The following ADCY3 variants were observed in gnomAD, a reference collection of about 807,000 sequenced individuals.
The protein encoded by ADCY3 is adenylate cyclase type 3.
Under a neutral mutation model 119.4 loss-of-function variants are expected in ADCY3, and 70 were observed. That is an observed-to-expected ratio of 0.59 (90% CI 0.48 to 0.72). ADCY3 has a LOEUF of 0.72. Ranked by LOEUF, ADCY3 falls within the 30% of genes least tolerant of loss-of-function variation. The probability of loss-of-function intolerance (pLI) is 0.00; values close to 1 mark genes in which losing one functional copy is unlikely to be tolerated. For missense variants in ADCY3, 1,238 were observed against 1,541.6 expected (o/e 0.80, Z 3.30); for synonymous variants, 672 against 621.4 (o/e 1.08, Z -1.21).
Position 24,829,866 on chromosome 2 carries a change from A to G in ADCY3, c.2172+843T>C, listed in dbSNP as rs375960850. 1.3e-4 allele frequency among the ~76,000 whole-genome samples: 20 copies of G among 151,590 alleles called. 1 individual carries two copies. The highest frequency in any genetic ancestry group is 4.9e-4 in the African/African-American group (20 of 41,210). ...GACAGCTCCAGGCATGTAGTGCTCA[A>G]TACGTGCCCAGTGGTTCTAAACCAA... On this transcript the variant is annotated intron_variant, in intron 13 of 21. Transcript: ENST00000679454.
Position 24,914,210 on chromosome 2 carries a change from T to C in ADCY3, c.675+4103A>G, listed in dbSNP as rs544922071. Among the ~76,000 whole-genome samples, 9 of 152,350 alleles carry C rather than the reference T, an allele frequency of 5.9e-5. No homozygotes were observed. The South Asian group carries it at 1.9e-3, about 32-fold the overall frequency. On this transcript the variant is annotated intron_variant, in intron 2 of 21. Coordinates refer to ENST00000679454, the MANE Select transcript of ADCY3 (RefSeq NM_004036.5). ...CATCTGTCCTCCCTTCCGGCTGCTCTGGGCCTGTGTTGCCTCTTGGGATGG... is the reference window on the plus strand; with the variant it reads ...CATCTGTCCTCCCTTCCGGCTGCTCCGGGCCTGTGTTGCCTCTTGGGATGG...
At chr2:24,859,438 C>T (rs1381264597) in intron 3 of ADCY3, among the ~76,000 whole-genome samples, 1 of 152,146 alleles carries the variant, frequency 6.6e-6, no homozygotes, top group Non-Finnish European at 1.5e-5. Context: ...CAACCCCAGG[C>T]CAAGAGGCAA....
At chr2:24,867,506 T>C (rs56157935) in intron 3 of ADCY3, among the ~76,000 whole-genome samples, 10,265 of 152,348 alleles carry the variant, frequency 0.067, 418 homozygotes, top group East Asian at 0.094. Flanking sequence ...TGCCTTGATC[T>C]TGGACTTCCC....
In ADCY3 at chr2:24,918,859, C is replaced by G. The variant is rs748964127; in HGVS notation, c.129G>C (p.Ser43=). The change falls in exon 2 of 22, where the codon TCG becomes TCC. Residue 43 remains serine (S), a synonymous_variant. Transcript: ENST00000679454. This position sits in a 1 kb window ranked among gnomAD's most constrained non-coding sequence, Gnocchi z 5.4. ...AGCGAGGCAGGCACAGGCAGGAGCC[C>G]GAGTTCCGGACCGAGATTTCATGGG... ...GRTHEISVRN[S]GSCLCLPRFM... The G allele has an allele frequency of 3.1e-5, 50 of 1,613,118 alleles. 1 individual carries two copies. The African/African-American group carries it at 3.7e-4, about 12-fold the overall frequency.
chr2:24,870,184 G>C (rs1003631047), intron 3 of ADCY3, among the ~76,000 whole-genome samples: 2 of 151,630 alleles, frequency 1.3e-5, no homozygotes, highest in African/African-American at 4.8e-5. Context: ...AGCCAGGTGT[G>C]GTGGCAGGTG....
Position 24,857,098 on chromosome 2 carries a change from C to T in ADCY3, c.826-14714G>A, listed in dbSNP as rs561580264. On this transcript the variant is annotated intron_variant, in intron 3 of 21. Transcript: ENST00000679454. ...CCAGGCCATGTCATCTGGAACAGTGCGGAAATCACACAGACCCAGGGTCAG... is the reference window on the plus strand; with the variant it reads ...CCAGGCCATGTCATCTGGAACAGTGTGGAAATCACACAGACCCAGGGTCAG... 4.6e-5 allele frequency among the ~76,000 whole-genome samples: 7 copies of T among 152,282 alleles called. No homozygotes were observed. In the East Asian group the frequency reaches 9.6e-4, roughly 21 times the overall value.
intron 11 of ADCY3, among the ~76,000 whole-genome samples, chr2:24,833,345 C>T (rs1462873320): frequency 3.3e-5 from 5 of 152,192 alleles, no homozygotes; most frequent in Admixed American, 1.3e-4. Context: ...GGGGCCAGGC[C>T]ACTCCAGCCT....
intron 2 of ADCY3, among the ~76,000 whole-genome samples, chr2:24,887,978 G>A (rs550284699): frequency 6.6e-6 from 1 of 152,272 alleles, no homozygotes; most frequent in South Asian, 2.1e-4. Context: ...TTCTGAGTCT[G>A]CTTGAGTGAG....
rs560448517 is a variant in ADCY3 at position 24,836,977 on chromosome 2, G to A, written c.1602C>T (p.Pro534=). ...ACCCACTGCTGTGGGCACTCCCGTTGGGCTCCTTGGTCTCAATGAGGGCAG... is the reference window on the plus strand; with the variant it reads ...ACCCACTGCTGTGGGCACTCCCGTTAGGCTCCTTGGTCTCAATGAGGGCAG... ...SSPALIETKE[P]NGSAHSSGST... The change falls in exon 9 of 22, where the codon CCC becomes CCT. Residue 534 remains proline (P), a synonymous_variant. Coordinates refer to ENST00000679454, the MANE Select transcript of ADCY3 (RefSeq NM_004036.5). The A allele has an allele frequency of 1.6e-5, 26 of 1,614,040 alleles. 1 individual carries two copies. Among genetic ancestry groups the A allele is most frequent in the African/African-American group, 1.1e-4 (8 of 75,040 alleles).
chr2:24,881,639 T>C (rs1458837003), intron 2 of ADCY3, among the ~76,000 whole-genome samples: 1 of 152,230 alleles, frequency 6.6e-6, no homozygotes, highest in African/African-American at 2.4e-5. Context: ...GCACAGCTAT[T>C]GGAACATAGC....
chr2:24,912,910 T>A (rs995158054), intron 2 of ADCY3, among the ~76,000 whole-genome samples: 3 of 152,162 alleles, frequency 2.0e-5, no homozygotes, highest in Non-Finnish European at 2.9e-5. Context: ...AGGGGTTGAT[T>A]TTCTGCAAAG....
intron 3 of ADCY3, among the ~76,000 whole-genome samples, chr2:24,864,251 T>G (rs1241190891): frequency 1.3e-5 from 2 of 152,162 alleles, no homozygotes; most frequent in Non-Finnish European, 2.9e-5. Flanking sequence ...ATCGCACCAC[T>G]GCATTCCAAC....
chr2:24,822,350 C>G (rs1363875660), intron 19 of ADCY3, 161 bp downstream of exon 19: 2 of 1,060,914 alleles, frequency 1.9e-6, no homozygotes, highest in Admixed American at 2.3e-5. Context: ...GCCGAACTTT[C>G]TCAATAAACC....
chr2:24,864,209 G>A (rs1674019835), intron 3 of ADCY3, among the ~76,000 whole-genome samples: 1 of 152,154 alleles, frequency 6.6e-6, no homozygotes, highest in Admixed American at 6.6e-5. Context: ...AGAATAGCTT[G>A]AACCCGGAGG....
Position 24,898,595 on chromosome 2 carries a change from A to G in ADCY3, c.675+19718T>C, listed in dbSNP as rs927577629. Among the ~76,000 whole-genome samples, 4 of 152,214 alleles carry G rather than the reference A, an allele frequency of 2.6e-5. No individual in the cohort carries two copies. Among genetic ancestry groups the G allele is most frequent in the South Asian group, 2.1e-4 (1 of 4,824 alleles). The stretch of plus-strand genomic sequence containing the variant: ...TCTTCACTCTCAAATCAGCCTCTCA[A>G]TGGAGCCCTGCAGCACTGGAAAGGA... On this transcript the variant is annotated intron_variant, in intron 2 of 21. Transcript: ENST00000679454. This position sits in a 1 kb window ranked among gnomAD's most constrained non-coding sequence, Gnocchi z 4.3.
Position 24,830,075 on chromosome 2 carries a change from C to CTGTG in ADCY3, c.2172+633_2172+634insCACA, listed in dbSNP as rs1320928753. On this transcript the variant is annotated intron_variant, in intron 13 of 21. Coordinates refer to ENST00000679454, the MANE Select transcript of ADCY3 (RefSeq NM_004036.5). ...TTTTTTTTTTTGAGACGGAGTCTTG[C>CTGTG]TGTCGCCTAGGCTGGAGTGCAGCGG... Among the ~76,000 whole-genome samples, 11 of 19,588 alleles carry CTGTG rather than the reference C, an allele frequency of 5.6e-4. No homozygotes were observed. The African/African-American group carries it at 6.0e-3, about 11-fold the overall frequency. 12.9% of individuals were successfully genotyped at this position (19,588 alleles called of 152,430 possible).
chr2:24,881,192 A>G (rs766341322), intron 2 of ADCY3, among the ~76,000 whole-genome samples: 5 of 152,184 alleles, frequency 3.3e-5, no homozygotes, highest in African/African-American at 4.8e-5. Flanking sequence ...TCACTGGTAC[A>G]ACAGAACAAT....
intron 8 of ADCY3, 35 bp downstream of exon 8, chr2:24,838,410 T>TGGGTGGGGTGGGTG (rs747664970): frequency 4.3e-6 from 2 of 464,968 alleles, no homozygotes; most frequent in Admixed American, 5.5e-5. Context: ...AGGGGTGGGG[T>TGGGTGGGGTGGGTG]GGGTGGGGTG....
intron 2 of ADCY3, among the ~76,000 whole-genome samples, chr2:24,895,532 C>A (rs1419415265): frequency 2.6e-5 from 4 of 152,094 alleles, no homozygotes; most frequent in African/African-American, 9.7e-5. Flanking sequence ...TCTTTTGAGA[C>A]TTCAATTAAA....
Sources: gnomAD v4.1 joint callset for allele counts (sites outside exome capture counted in the v4.1 genomes callset) on GRCh38, gnomAD v4.1.1 for gene constraint, Gnocchi (gnomAD v3.1) non-coding constraint, MANE v1.5 for transcripts, NCBI Gene and HGNC (gene_info 2026-07-23, HGNC 2026-07-21) for gene names.